The following PATJ variants were observed in gnomAD, a reference collection of about 807,000 sequenced individuals.
PATJ encodes inaD-like protein.
Under a neutral mutation model 224.9 loss-of-function variants are expected in PATJ, and 190 were observed. That is an observed-to-expected ratio of 0.84 (90% confidence interval 0.75 to 0.95). The LOEUF is 0.95. PATJ is among the 40% of genes least tolerant of loss of function. The probability of loss-of-function intolerance (pLI) is 0.00; values close to 1 mark genes in which losing one functional copy is unlikely to be tolerated. For synonymous variants in PATJ, 769 were observed against 820.3 expected (o/e 0.94, Z 1.07); for missense variants, 2,121 against 2,270.3 (o/e 0.93, Z 1.34).
intron 1 of PATJ, among the ~76,000 whole-genome samples, chr1:61,744,450 G>C (rs1271387257): frequency 6.6e-6 from 1 of 151,988 alleles, no homozygotes; most frequent in Non-Finnish European, 1.5e-5. Context: ...AGGCTCTCTA[G>C]TTTGTTTGGG....
intron 20 of PATJ, among the ~76,000 whole-genome samples, chr1:61,871,527 G>T (rs371045429): frequency 1.3e-4 from 1 of 7,700 alleles, no homozygotes; most frequent in Non-Finnish European, 2.8e-4. Flanking sequence ...ATATAAATAT[G>T]TGTGTGTGTG....
rs1345800572 is a variant in PATJ at position 61,867,228 on chromosome 1, G to A, written c.2835+2595G>A. Among the ~76,000 whole-genome samples, 5 of 152,152 alleles carry A rather than the reference G, an allele frequency of 3.3e-5. No homozygotes were observed. In the East Asian group the frequency reaches 9.6e-4, roughly 29 times the overall value. On this transcript the variant is annotated intron_variant, in intron 20 of 43. Transcript: ENST00000642238. ...GAGTTGCTCTGGTTCCAGCACCTCT[G>A]ACATAACCACTTACTCTATTGTTTG...
At chr1:62,128,326 C>G (rs1415489841) in intron 40 of PATJ, 1 of 468,832 alleles carries the variant, frequency 2.1e-6, no homozygotes, top group African/African-American at 2.0e-5. Context: ...AATTGCAGCC[C>G]CTTTGCAAAC....
Position 61,791,386 on chromosome 1 carries a change from G to A in PATJ, c.1107G>A (p.Val369=), listed in dbSNP as rs768630659. ...TTGAAACTTATAATGTTGAGCTTGT[G>A]AGAAAAGATGGGCAGAGTCTTGGAA... The part of the protein sequence containing the change: ...SLFETYNVEL[V]RKDGQSLGIR... Residue 369 remains valine, a synonymous_variant, in exon 9 of 44, where the codon GTG becomes GTA. Coordinates refer to ENST00000642238, the MANE Select transcript of PATJ (RefSeq NM_001350145.3). The A allele has an allele frequency of 2.5e-5, 40 of 1,612,302 alleles. No individual in the cohort carries two copies. Among genetic ancestry groups the A allele is most frequent in the Non-Finnish European group, 3.2e-5 (38 of 1,178,752 alleles).
intron 27 of PATJ, among the ~76,000 whole-genome samples, chr1:61,973,902 G>T (rs1315175681): frequency 6.6e-6 from 1 of 151,910 alleles, no homozygotes; most frequent in African/African-American, 2.4e-5. Flanking sequence ...TCATATTCAG[G>T]CATTTCTAAG....
intron 17 of PATJ, among the ~76,000 whole-genome samples, chr1:61,837,780 A>G (rs1158386817): frequency 1.8e-5 from 2 of 109,504 alleles, no homozygotes; most frequent in Admixed American, 2.2e-4. Flanking sequence ...ACAGAGTGAG[A>G]CTCTGTCTTA....
In PATJ at chr1:61,926,037, C is replaced by T. The variant is rs972307242; in HGVS notation, c.3571-1693C>T. 2.6e-5 allele frequency among the ~76,000 whole-genome samples: 4 copies of T among 152,186 alleles called. No homozygotes were observed. The East Asian group carries it at 5.8e-4, about 22-fold the overall frequency. ...TGACATTTTTCTAAGGTTAATAATG[C>T]GTCAGGGAACCCAAACAGCACAAGT... On this transcript the variant is annotated intron_variant, in intron 26 of 43. Transcript: ENST00000642238.
chr1:61,912,796 C>T (rs1198052950), intron 25 of PATJ, among the ~76,000 whole-genome samples: 1 of 151,996 alleles, frequency 6.6e-6, no homozygotes, highest in African/African-American at 2.4e-5. Context: ...TTCTATTTAG[C>T]ATCAGCTAGT....
intron 31 of PATJ, among the ~76,000 whole-genome samples, 191 bp from the exon 32 acceptor site, chr1:62,079,259 G>A (rs1291343088): frequency 6.6e-6 from 1 of 151,990 alleles, no homozygotes; most frequent in African/African-American, 2.4e-5. Flanking sequence ...CATTTTAGTT[G>A]TAAAGTTAAA....
At chr1:61,953,334 C>A (rs1309011041) in intron 27 of PATJ, among the ~76,000 whole-genome samples, 2 of 152,174 alleles carry the variant, frequency 1.3e-5, no homozygotes, top group African/African-American at 4.8e-5. Flanking sequence ...CAGCAGTGCA[C>A]ACGCAAATTA....
intron 16 of PATJ, among the ~76,000 whole-genome samples, chr1:61,833,207 A>G (rs1310910229): frequency 6.6e-6 from 1 of 151,870 alleles, no homozygotes; most frequent in Non-Finnish European, 1.5e-5. Flanking sequence ...GCTCCAGCCT[A>G]TCTCTGTGTT....
intron 22 of PATJ, among the ~76,000 whole-genome samples, chr1:61,892,898 G>C (rs1020264374): frequency 6.6e-6 from 1 of 152,088 alleles, no homozygotes; most frequent in East Asian, 1.9e-4. Context: ...GGAAAGTTCT[G>C]TTATTTTAAG....
At chr1:61,923,977 G>GTT (rs1674736040) in intron 26 of PATJ, among the ~76,000 whole-genome samples, 1 of 150,608 alleles carries the variant, frequency 6.6e-6, no homozygotes, top group African/African-American at 2.4e-5. Flanking sequence ...CTAATGAGCA[G>GTT]ATCTTGAATG....
chr1:61,894,972 C>A (rs1375345057), intron 22 of PATJ, among the ~76,000 whole-genome samples: 2 of 152,174 alleles, frequency 1.3e-5, no homozygotes, highest in Admixed American at 1.3e-4. Context: ...GGAAGTGGAG[C>A]AAAGGTCACT....
At chr1:61,793,745 G>T (rs1182285020) in intron 9 of PATJ, among the ~76,000 whole-genome samples, 7 of 151,448 alleles carry the variant, frequency 4.6e-5, no homozygotes, top group African/African-American at 1.7e-4. Flanking sequence ...AAAAAGCCTG[G>T]TGTGTCCAGA....
At chr1:62,139,687 GC>G (rs1267640464) in intron 41 of PATJ, among the ~76,000 whole-genome samples, 1 of 152,078 alleles carries the variant, frequency 6.6e-6, no homozygotes, top group Admixed American at 6.5e-5. Flanking sequence ...CAAGTTACTT[GC>G]CAATCACCTC....
chr1:62,155,921 G>A (rs1227532072), intron 43 of PATJ, among the ~76,000 whole-genome samples: 11 of 151,594 alleles, frequency 7.3e-5, no homozygotes, highest in Non-Finnish European at 1.6e-4. Flanking sequence ...AGCCGGGCAT[G>A]GTGGTAGGCG....
intron 29 of PATJ, among the ~76,000 whole-genome samples, chr1:62,023,151 G>A (rs1007097872): frequency 2.0e-5 from 3 of 152,092 alleles, no homozygotes; most frequent in South Asian, 2.1e-4. Context: ...TCAGCTGGGC[G>A]TGGTGGCGGG....
chr1:61,914,192 A>G (rs540894591), intron 25 of PATJ, among the ~76,000 whole-genome samples: 1 of 152,360 alleles, frequency 6.6e-6, no homozygotes, highest in African/African-American at 2.4e-5. Flanking sequence ...TCAGTGGCTC[A>G]CGCCTGTAAT....
Sources: allele counts gnomAD v4.1 joint callset (sites outside exome capture counted in the v4.1 genomes callset), GRCh38; gene constraint gnomAD v4.1.1; transcripts MANE v1.5; gene names NCBI Gene and HGNC (gene_info 2026-07-23, HGNC 2026-07-21).